Variants in REPS1 observed in about 807,000 individuals in gnomAD.
REPS1 encodes RALBP1 associated Eps domain containing 1.
A neutral mutation model predicts 100.9 loss-of-function variants in REPS1; 39 were observed. The observed-to-expected ratio is 0.39, with a 90% CI of 0.30 to 0.50. REPS1 has a LOEUF of 0.50. REPS1 is among the 20% of genes least tolerant of loss of function. The pLI is 0.86. For missense variants in REPS1, 821 were observed against 968.5 expected, an observed-to-expected ratio of 0.85 and a Z score of 2.02; for synonymous variants, 324 against 340.3, an observed-to-expected ratio of 0.95 and a Z score of 0.53.
At chr6:138,954,396 T>C (rs1415762342) in intron 1 of REPS1, among the ~76,000 whole-genome samples, 2 of 152,184 alleles carry the variant, frequency 1.3e-5, no homozygotes, top group East Asian at 3.9e-4. Context: ...TCACTATACA[T>C]TGTATTAGGG....
At chr6:138,911,448 C>T in intron 16 of REPS1, 77 bp from the exon 17 acceptor site, 1 of 950,246 alleles carries the variant, frequency 1.1e-6, no homozygotes. Context: ...TGTACCAAAT[C>T]AGAATAAAAT....
intron 7 of REPS1, among the ~76,000 whole-genome samples, chr6:138,942,241 G>A (rs904506612): frequency 6.6e-6 from 1 of 152,168 alleles, no homozygotes; most frequent in Non-Finnish European, 1.5e-5. Flanking sequence ...CCTAGATACA[G>A]ACAACCACTT....
chr6:138,907,319 T>A (rs1377346788), intron 19 of REPS1, 176 bp downstream of exon 19: 22 of 371,760 alleles, frequency 5.9e-5, no homozygotes, highest in African/African-American at 2.1e-4. Context: ...AAAAAGTGTG[T>A]GTGTGTGTGT....
At chr6:138,958,154 T>A (rs1413636960) in intron 1 of REPS1, among the ~76,000 whole-genome samples, 1 of 152,216 alleles carries the variant, frequency 6.6e-6, no homozygotes, top group Non-Finnish European at 1.5e-5. Context: ...ACTTTCTATA[T>A]TTGGATAATG....
chr6:138,939,676 A>G (rs1192925319), intron 8 of REPS1, among the ~76,000 whole-genome samples: 3 of 152,176 alleles, frequency 2.0e-5, no homozygotes, highest in Non-Finnish European at 4.4e-5. Context: ...TCCAAGTCCA[A>G]TTTCTAAATC....
At chr6:138,913,319 T>C (rs558021592) in intron 15 of REPS1, among the ~76,000 whole-genome samples, 8 of 151,382 alleles carry the variant, frequency 5.3e-5, no homozygotes, top group Non-Finnish European at 1.0e-4. Context: ...AAATAAGTTA[T>C]TTTTTTTTAA....
chr6:138,912,840 C>T lies in REPS1; in HGVS notation c.1896G>A (p.Gln632=). The T allele has an allele frequency of 3.1e-6, 5 of 1,614,142 alleles. No individual in the cohort carries two copies. Among genetic ancestry groups the T allele is most frequent in the Non-Finnish European group, 4.2e-6 (5 of 1,180,016 alleles). The change falls in exon 16 of 20, where the codon CAG becomes CAA. Residue 632 remains glutamine, a synonymous_variant. Coordinates refer to ENST00000450536, the MANE Select transcript of REPS1 (RefSeq NM_001286611.2). ...PEQPNFADFS[Q]FEVFAASNVN... ...CATTTGATGCAGCAAATACTTCAAA[C>T]TGACTGAAATCTGCAAAATTTGGTT...
chr6:138,934,757 T>C (rs1582767960), intron 8 of REPS1, among the ~76,000 whole-genome samples: 1 of 152,216 alleles, frequency 6.6e-6, no homozygotes, highest in African/African-American at 2.4e-5. Flanking sequence ...CTTATTTTGC[T>C]TTCAAGCAGC....
chr6:138,915,373 A>C (rs139403714), intron 14 of REPS1, among the ~76,000 whole-genome samples: 172 of 142,578 alleles, frequency 1.2e-3, no homozygotes, highest in African/African-American at 4.0e-3. Context: ...ATTTGCACTC[A>C]AACACACTTT....
At chr6:138,949,223 T>C (rs904688234) in intron 1 of REPS1, among the ~76,000 whole-genome samples, 2 of 152,190 alleles carry the variant, frequency 1.3e-5, no homozygotes, top group Non-Finnish European at 2.9e-5. Context: ...GATCACAGTA[T>C]GGTTTGTTGA....
At chr6:138,949,976 G>A (rs1014734468) in intron 1 of REPS1, among the ~76,000 whole-genome samples, 2 of 152,090 alleles carry the variant, frequency 1.3e-5, no homozygotes, top group African/African-American at 4.8e-5. Context: ...AGCTGTTTTG[G>A]TGATACAGAA....
rs5880407 is a variant in REPS1 at position 138,915,452 on chromosome 6, A to AT, written c.1720+405dup. Reference sequence around the variant, plus strand: ...TTAATCCAAAATTTTCCTTCAGATAATTTTTTTTTTTTTTTTTGGAGACAG... The same window carrying AT: ...TTAATCCAAAATTTTCCTTCAGATAATTTTTTTTTTTTTTTTTTGGAGACAG... On this transcript the variant is annotated intron_variant, in intron 14 of 19. Transcript: ENST00000450536. Among the ~76,000 whole-genome samples the AT allele has an allele frequency of 8.7e-3, 1,166 of 134,634 alleles. 17 individuals are homozygous for AT. The highest frequency in any genetic ancestry group is 0.026 in the African/African-American group (972 of 37,128). The allele number at this position is 134,634 out of a possible 152,430, so 88.3% of individuals were successfully genotyped here.
rs1780109606 is a variant in REPS1 at position 138,912,961 on chromosome 6, G to A, written c.1786-11C>T. On this transcript the variant is annotated splice_polypyrimidine_tract_variant and intron_variant, in intron 15 of 19. Transcript: ENST00000450536. ...AGCAGGACCAGGAGCCTGTGCAATG[G>A]TTCAGAACAGAGGAACACACATTCT... The A allele has an allele frequency of 6.2e-7, 1 of 1,603,384 alleles. No individual in the cohort carries two copies. The highest frequency in any genetic ancestry group is 1.3e-5 in the African/African-American group (1 of 74,404).
intron 2 of REPS1, among the ~76,000 whole-genome samples, chr6:138,947,035 G>GCTCTCTCTCTCTCTCTCTCTCTCT (rs10581264): frequency 1.5e-4 from 20 of 137,714 alleles, no homozygotes; most frequent in Non-Finnish European, 1.5e-4. Context: ...ATTCCCCCTT[G>GCTCTCTCTCTCTCTCTCTCTCTCT]CTCTCTCTCT....
At chr6:138,986,823 C>G (rs1785285815) in intron 1 of REPS1, among the ~76,000 whole-genome samples, 2 of 152,176 alleles carry the variant, frequency 1.3e-5, no homozygotes, top group Non-Finnish European at 2.9e-5. Flanking sequence ...TTTGCTCCTC[C>G]AGGGCTTCAG....
chr6:138,982,371 CA>C (rs1402210239), intron 1 of REPS1, among the ~76,000 whole-genome samples: 1 of 152,194 alleles, frequency 6.6e-6, no homozygotes, highest in Non-Finnish European at 1.5e-5. Context: ...GCTTCATTAA[CA>C]GGGTACATTG....
chr6:138,908,699 C>T lies in REPS1; in HGVS notation c.2185G>A (p.Ala729Thr), dbSNP rs1435758305. The change falls in exon 18 of 20, where the codon GCT (alanine) becomes ACT (threonine). Residue 729 changes from alanine (A) to threonine (T), a missense_variant. Ala to Thr is a moderately conservative substitution (Grantham distance 58, BLOSUM62 0). Coordinates refer to ENST00000450536, the MANE Select transcript of REPS1 (RefSeq NM_001286611.2). ...EHTQKTGVLA[A>T]VLASQPSIPR... ...ATAGAAGGTTGTGATGCAAGAACAG[C>T]AGCTAAGACACCCGTCTTTTGTGTA... 3 of 1,614,040 alleles carry T rather than the reference C, an allele frequency of 1.9e-6. No homozygotes were observed. The African/African-American group carries it at 4.0e-5, about 22-fold the overall frequency.
Position 138,921,091 on chromosome 6 carries a change from T to C in REPS1, c.1372A>G (p.Met458Val). ...TAIVHPVPIR[M>V]TPSKIHMQEM... ...TGCATGTGGATTTTGCTTGGAGTCA[T>C]ACGAATGGGAACTGGATGAACAATA... The change falls in exon 11 of 20, where the codon ATG (methionine) becomes GTG (valine). Residue 458 changes from methionine (M) to valine (V), a missense_variant. Physicochemically the swap from Met to Val is conservative, Grantham distance 21 (BLOSUM62 1). This residue lies in a region of REPS1 where 757 missense variants were observed against 866.4 expected (regional missense o/e 0.87). Coordinates refer to ENST00000450536, the MANE Select transcript of REPS1 (RefSeq NM_001286611.2). The C allele has an allele frequency of 2.5e-6, 4 of 1,612,196 alleles. No individual in the cohort carries two copies. The highest frequency in any genetic ancestry group is 3.4e-6 in the Non-Finnish European group (4 of 1,178,762).
chr6:138,959,226 C>T (rs1338473435), intron 1 of REPS1, among the ~76,000 whole-genome samples: 1 of 152,074 alleles, frequency 6.6e-6, no homozygotes, highest in African/African-American at 2.4e-5. Context: ...GTTCTCTGTT[C>T]CTATGCCCAG....
Sources: allele counts gnomAD v4.1 joint callset (sites outside exome capture counted in the v4.1 genomes callset), GRCh38; gene constraint gnomAD v4.1.1; regional missense constraint gnomAD v4.1.1; transcripts MANE v1.5; gene names NCBI Gene and HGNC (gene_info 2026-07-23, HGNC 2026-07-21).